Variants in USP40 observed in about 807,000 individuals in gnomAD.
The protein encoded by USP40 is ubiquitin carboxyl-terminal hydrolase 40.
In USP40, 143 loss-of-function variants were observed where a neutral mutation model predicts 166.2. That is an observed-to-expected ratio of 0.86 (90% CI 0.75 to 0.99). The LOEUF is 0.99. USP40 is among the 50% of genes least tolerant of loss of function. The pLI, the probability that USP40 is intolerant of heterozygous loss-of-function variation, is 0.00. For missense variants in USP40, 1,444 were observed against 1,479.7 expected, an observed-to-expected ratio of 0.98 and a Z score of 0.40; for synonymous variants, 498 against 524.0, an observed-to-expected ratio of 0.95 and a Z score of 0.68.
intron 11 of USP40, among the ~76,000 whole-genome samples, chr2:233,531,289 G>A (rs1313632644): frequency 6.6e-6 from 1 of 152,104 alleles, no homozygotes; most frequent in East Asian, 1.9e-4. Flanking sequence ...TGTTTTTACT[G>A]ATACAGCAAA....
At position 233,533,649 on chromosome 2, in the gene USP40, G is replaced by A. The variant is rs755555046; in HGVS notation, c.1301C>T (p.Pro434Leu). The A allele has an allele frequency of 8.7e-6, 14 of 1,613,758 alleles. 1 individual carries two copies. In the South Asian group the frequency reaches 1.5e-4, roughly 18 times the overall value. ...RNDQQIFKML[P>L]PESPGLNNSI... The stretch of plus-strand genomic sequence containing the variant: ...ATTGTTTAAACCTGGGGATTCTGGA[G>A]GAAGCATCTTGAAAATTTGCTGGTC... The change falls in exon 11 of 32, where the codon CCT becomes CTT. Residue 434 changes from proline to leucine, a missense_variant. Physicochemically the swap from Pro to Leu is moderately conservative, Grantham distance 98 (BLOSUM62 -3). Transcript: ENST00000678225.
intron 12 of USP40, 128 bp downstream of exon 12, chr2:233,529,303 A>G: frequency 1.4e-6 from 1 of 716,084 alleles, no homozygotes. Flanking sequence ...CAGCAGCCAA[A>G]CAGACACTTG....
At chr2:233,487,599 G>C (rs554536529) in intron 28 of USP40, 51 of 178,166 alleles carry the variant, frequency 2.9e-4, no homozygotes, top group African/African-American at 1.2e-3. Flanking sequence ...TATCATAATA[G>C]GTAGAGCAAA....
At chr2:233,477,553 G>C (rs1249177449) in intron 31 of USP40, 50 bp from the exon 32 acceptor site, 1 of 1,522,032 alleles carries the variant, frequency 6.6e-7, no homozygotes, top group Non-Finnish European at 9.1e-7. Context: ...GTGGGTGTCA[G>C]GGTGAGGGGT....
intron 26 of USP40, chr2:233,490,933 A>AC (rs1450392688): frequency 1.7e-5 from 11 of 661,260 alleles, no homozygotes; most frequent in Non-Finnish European, 3.1e-5. Context: ...CACTGAGGAT[A>AC]GATTGAAACA....
At chr2:233,481,072 C>T in intron 31 of USP40, 131 bp downstream of exon 31, 1 of 817,600 alleles carries the variant, frequency 1.2e-6, no homozygotes, top group Non-Finnish European at 1.9e-6. Context: ...GAAGGACCCG[C>T]CACACTGGTG....
intron 18 of USP40, among the ~76,000 whole-genome samples, chr2:233,513,130 T>C (rs77222526): frequency 0.01 from 1,554 of 152,326 alleles, 28 homozygotes; most frequent in African/African-American, 0.035. Flanking sequence ...GCTTGGTTTC[T>C]TCTCATTGCA....
At chr2:233,522,911 T>C (rs2125223737) in intron 16 of USP40, among the ~76,000 whole-genome samples, 1 of 152,362 alleles carries the variant, frequency 6.6e-6, no homozygotes, top group South Asian at 2.1e-4. Context: ...AACTAATTGA[T>C]ACTCTATACA....
chr2:233,544,859 C>T (rs932855510), intron 8 of USP40, among the ~76,000 whole-genome samples: 1 of 152,102 alleles, frequency 6.6e-6, no homozygotes, highest in Non-Finnish European at 1.5e-5. Flanking sequence ...GAAAAATGTC[C>T]TTTAATAATC....
Position 233,475,528 on chromosome 2 carries a change from C to T in USP40, c.*1864G>A, listed in dbSNP as rs963716213. 1.3e-5 allele frequency: 2 copies of T among 152,316 alleles called. No homozygotes were observed. Among genetic ancestry groups the T allele is most frequent in the Non-Finnish European group, 2.9e-5 (2 of 68,042 alleles). The allele number at this position is 152,316 out of a possible 1,614,324, so 9.4% of individuals were successfully genotyped here. A position where few individuals can be genotyped will look rare whatever the true frequency, so the allele number is the denominator to read the frequency against. On this transcript the variant is annotated 3_prime_UTR_variant, in exon 32 of 32. Transcript: ENST00000678225. ...GGCAACCAAAAGCAGCTAAGGGCTA[C>T]AACTTTAAAAAATGGTTTATTTTTT...
Position 233,510,096 on chromosome 2 carries a change from C to T in USP40, c.2566G>A (p.Gly856Arg), listed in dbSNP as rs774788970. The part of the protein sequence containing the change: ...FFAMGSDVQP[G>R]TEMEIVVEET... ...TCTACTACGATTTCCATTTCTGTCC[C>T]AGGTTGAACGTCACTCCCCATTGCA... The change falls in exon 21 of 32, where the codon GGG becomes AGG. Residue 856 changes from glycine (G) to arginine (R), a missense_variant. Physicochemically the swap from Gly to Arg is moderately radical, Grantham distance 125. Transcript: ENST00000678225. 2.8e-5 allele frequency: 45 copies of T among 1,604,442 alleles called. No individual in the cohort carries two copies. Among genetic ancestry groups the T allele is most frequent in the Non-Finnish European group, 3.5e-5 (41 of 1,175,122 alleles).
intron 21 of USP40, among the ~76,000 whole-genome samples, chr2:233,509,839 A>T (rs192972036): frequency 0.037 from 2,889 of 78,806 alleles, 96 homozygotes; most frequent in African/African-American, 0.16. Context: ...GAGACTCTCT[A>T]AAAAAAAAAA....
intron 27 of USP40, among the ~76,000 whole-genome samples, chr2:233,488,731 T>C (rs903888004): frequency 6.6e-6 from 1 of 152,014 alleles, no homozygotes; most frequent in Non-Finnish European, 1.5e-5. Flanking sequence ...CTGGGCAACA[T>C]AGGGAGACCT....
In USP40 at chr2:233,523,235, C is replaced by G; in HGVS notation, c.2136G>C (p.Thr712=). Residue 712 remains threonine (T), a synonymous_variant, in exon 16 of 32, where the codon ACG becomes ACC. Transcript: ENST00000678225. ...TAIPKEDMRK[T]FREQGLRNGS... is the part of the protein sequence containing the mutation. ...CATTTCTGAGCCCTTGCTCCCTGAA[C>G]GTCTTCCTCATGTCTTCCTTGGGGA... 6.2e-7 allele frequency: 1 copy of G among 1,613,960 alleles called. No individual in the cohort carries two copies. Among genetic ancestry groups the G allele is most frequent in the Non-Finnish European group, 8.5e-7 (1 of 1,179,860 alleles).
chr2:233,494,988 A>G (rs1292716566), intron 24 of USP40, among the ~76,000 whole-genome samples: 5 of 96,370 alleles, frequency 5.2e-5, no homozygotes, highest in Admixed American at 2.0e-4. Flanking sequence ...ATACACACAC[A>G]TAAAAAATAA....
chr2:233,527,540 T>G lies in USP40; in HGVS notation c.1592A>C (p.His531Pro). Residue 531 changes from histidine (H) to proline (P), a missense_variant, in exon 13 of 32, where the codon CAT becomes CCT. Coordinates refer to ENST00000678225, the MANE Select transcript of USP40 (RefSeq NM_001365479.2). The stretch of plus-strand genomic sequence containing the variant: ...ATGATACTGAGGGCCCAGGTGAAGA[T>G]GCAATTCAAAAGTATTGTTTGCAGA... ...CDSANNTFEL[H>P]LHLGPQYHFF... 2 of 1,612,448 alleles carry G rather than the reference T, an allele frequency of 1.2e-6. No homozygotes were observed. Among genetic ancestry groups the G allele is most frequent in the Non-Finnish European group, 1.7e-6 (2 of 1,179,472 alleles).
chr2:233,498,730 G>A lies in USP40; in HGVS notation c.2651-118C>T, dbSNP rs553286042. 113 of 753,602 alleles carry A rather than the reference G, an allele frequency of 1.5e-4. No homozygotes were observed. The African/African-American group carries it at 1.8e-3, about 12-fold the overall frequency. The allele number at this position is 753,602 out of a possible 1,614,324, so 46.7% of individuals were successfully genotyped here. A position where few individuals can be genotyped will look rare whatever the true frequency, so the allele number is the denominator to read the frequency against. On this transcript the variant is annotated intron_variant, in intron 22 of 31. Coordinates refer to ENST00000678225, the MANE Select transcript of USP40 (RefSeq NM_001365479.2). The stretch of plus-strand genomic sequence containing the variant: ...CTTAACTTCCTTTCCAGATAATAAA[G>A]CTATGGGCCTCCATGTTAATGAAGT...
chr2:233,506,763 T>C (rs1413843302), intron 21 of USP40, among the ~76,000 whole-genome samples: 1 of 112,608 alleles, frequency 8.9e-6, no homozygotes, highest in African/African-American at 3.9e-5. Context: ...AAAAAAAAAA[T>C]AGCTGGGCAT....
intron 21 of USP40, among the ~76,000 whole-genome samples, chr2:233,504,540 A>G (rs2066283997): frequency 1.3e-5 from 2 of 152,092 alleles, no homozygotes; most frequent in Non-Finnish European, 2.9e-5. Context: ...GTAAAAGGTC[A>G]TTATAATTGA....
Sources: allele counts gnomAD v4.1 joint callset (sites outside exome capture counted in the v4.1 genomes callset), GRCh38; gene constraint gnomAD v4.1.1; transcripts MANE v1.5; gene names NCBI Gene and HGNC (gene_info 2026-07-23, HGNC 2026-07-21).